CADM2: variants seen among roughly 807,000 people sequenced by gnomAD.
The protein encoded by CADM2 is cell adhesion molecule 2.
A neutral mutation model predicts 49.8 loss-of-function variants in CADM2; 12 were observed. The observed-to-expected ratio is 0.24, with a 90% CI of 0.15 to 0.39. CADM2 has a LOEUF of 0.39. Among genes scored for constraint, CADM2 ranks in the 10% least tolerant of loss-of-function variants. The pLI is 1.00. For synonymous variants in CADM2, 214 were observed against 175.4 expected (o/e 1.22, Z -1.74); for missense variants, 378 against 492.3 (o/e 0.77, Z 2.20).
chr3:85,105,755 T>A (rs906263171), intron 1 of CADM2, among the ~76,000 whole-genome samples: 1 of 152,204 alleles, frequency 6.6e-6, no homozygotes, highest in Non-Finnish European at 1.5e-5. Context: ...CATGGGATAC[T>A]ATGCAGCCAT....
At chr3:85,630,894 C>G (rs1055490291) in intron 1 of CADM2, among the ~76,000 whole-genome samples, 2 of 151,850 alleles carry the variant, frequency 1.3e-5, no homozygotes, top group South Asian at 2.1e-4. Flanking sequence ...GCCTAAAACC[C>G]TCTAATAGCT....
At chr3:85,248,585 A>C (rs2042703782) in intron 1 of CADM2, among the ~76,000 whole-genome samples, 1 of 152,188 alleles carries the variant, frequency 6.6e-6, no homozygotes, top group African/African-American at 2.4e-5. Flanking sequence ...CTACATACAT[A>C]TTTATTAATT....
intron 8 of CADM2, among the ~76,000 whole-genome samples, chr3:86,044,901 C>T (rs956451179): frequency 4.6e-5 from 7 of 152,062 alleles, no homozygotes; most frequent in African/African-American, 1.7e-4. Flanking sequence ...GAGTTCATGT[C>T]CTTTTTAGGG....
intron 1 of CADM2, among the ~76,000 whole-genome samples, chr3:85,669,907 G>A (rs1478106918): frequency 6.6e-6 from 1 of 151,986 alleles, no homozygotes; most frequent in Non-Finnish European, 1.5e-5. Flanking sequence ...TTATGATGAA[G>A]GAGCGGCAGC....
chr3:85,083,459 G>T (rs1222551496), intron 1 of CADM2, among the ~76,000 whole-genome samples: 1 of 152,000 alleles, frequency 6.6e-6, no homozygotes, highest in African/African-American at 2.4e-5. Context: ...TGTGCACACC[G>T]TTCTTTTGAA....
intron 1 of CADM2, among the ~76,000 whole-genome samples, chr3:85,397,185 G>T (rs1218901579): frequency 2.0e-5 from 3 of 152,046 alleles, no homozygotes; most frequent in Non-Finnish European, 4.4e-5. Flanking sequence ...TAGTAAATTT[G>T]TAAGTCAAAA....
intron 2 of CADM2, among the ~76,000 whole-genome samples, chr3:85,764,711 C>A (rs1260654185): frequency 1.3e-5 from 2 of 151,964 alleles, no homozygotes; most frequent in East Asian, 1.9e-4. Flanking sequence ...TGGAAATAAC[C>A]TTTGTTACTC....
chr3:84,974,136 G>T (rs938307679), intron 1 of CADM2, among the ~76,000 whole-genome samples: 1 of 151,924 alleles, frequency 6.6e-6, no homozygotes, highest in East Asian at 1.9e-4. Context: ...CTAACAGATT[G>T]TATGGTATTT....
chr3:85,534,429 C>T (rs1026531067), intron 1 of CADM2, among the ~76,000 whole-genome samples: 8 of 152,178 alleles, frequency 5.3e-5, no homozygotes, highest in Admixed American at 1.3e-4. Context: ...CATCAGAGAA[C>T]GTTCTAAAGG....
At chr3:85,943,721 A>G (rs1241330822) in intron 7 of CADM2, among the ~76,000 whole-genome samples, 1 of 151,886 alleles carries the variant, frequency 6.6e-6, no homozygotes, top group Admixed American at 6.6e-5. Flanking sequence ...ATGGAACCAA[A>G]CAGAGCCCTC....
At chr3:85,326,421 CT>C (rs1287475935) in intron 1 of CADM2, among the ~76,000 whole-genome samples, 5 of 151,786 alleles carry the variant, frequency 3.3e-5, no homozygotes, top group Non-Finnish European at 7.4e-5. Flanking sequence ...AAAAGTGTAC[CT>C]TTTTTATATT....
At chr3:85,567,338 C>A (rs563458956) in intron 1 of CADM2, among the ~76,000 whole-genome samples, 2 of 149,190 alleles carry the variant, frequency 1.3e-5, no homozygotes, top group Non-Finnish European at 2.9e-5. Flanking sequence ...TGAGTATTTT[C>A]TTTTCCTTAA....
chr3:85,912,424 G>T lies in CADM2; in HGVS notation c.581G>T (p.Ser194Ile). The T allele has an allele frequency of 6.2e-7, 1 of 1,613,982 alleles. No homozygotes were observed. The highest frequency in any genetic ancestry group is 8.5e-7 in the Non-Finnish European group (1 of 1,179,920). The change falls in exon 6 of 10, where the codon AGC (serine) becomes ATC (isoleucine). Residue 194 changes from serine (S) to isoleucine (I), a missense_variant. By Grantham distance (142) the Ser-to-Ile change is moderately radical. Transcript: ENST00000383699. ...GCAAATCGCAAGACATTCACTGTCA[G>T]CAGCACACTGGACTTCCGAGTGGAC... ...EDANRKTFTVSSTLDFRVDRS... is the reference protein window; with the variant it reads ...EDANRKTFTVISTLDFRVDRS...
intron 2 of CADM2, among the ~76,000 whole-genome samples, chr3:85,754,914 T>A (rs553628970): frequency 6.6e-6 from 1 of 152,276 alleles, no homozygotes; most frequent in Admixed American, 6.5e-5. Context: ...AAAAATGAAA[T>A]AGAAATATCC....
chr3:85,053,108 A>G (rs1194182249), intron 1 of CADM2, among the ~76,000 whole-genome samples: 2 of 152,076 alleles, frequency 1.3e-5, no homozygotes, highest in Non-Finnish European at 2.9e-5. Flanking sequence ...CAAAATTGCT[A>G]ATGATAGGCA....
Position 85,337,101 on chromosome 3 carries a change from G to C in CADM2, c.61+377433G>C, listed in dbSNP as rs185029207. On this transcript the variant is annotated intron_variant, in intron 1 of 9. Transcript: ENST00000383699. ...CCATTTAAGGGAAAACAATATTTTG[G>C]CCTTCCATCTGCCATCTCATCCCCA... Among the ~76,000 whole-genome samples, 801 of 144,214 alleles carry C rather than the reference G, an allele frequency of 5.6e-3. 2 individuals carry two copies. Among genetic ancestry groups the C allele is most frequent in the Middle Eastern group, 0.011 (3 of 264 alleles). The allele number at this position is 144,214 out of a possible 152,430, so 94.6% of individuals were successfully genotyped here.
At chr3:85,206,590 A>G (rs1378910758) in intron 1 of CADM2, among the ~76,000 whole-genome samples, 1 of 152,004 alleles carries the variant, frequency 6.6e-6, no homozygotes, top group Non-Finnish European at 1.5e-5. Context: ...TACAGGCGTG[A>G]GCCACCGCGC....
At chr3:85,426,131 C>CT (rs75964821) in intron 1 of CADM2, among the ~76,000 whole-genome samples, 60 of 148,346 alleles carry the variant, frequency 4.0e-4, no homozygotes, top group Middle Eastern at 3.5e-3. Context: ...TTCAGGCTAT[C>CT]TTTTTTTTTT....
chr3:85,494,197 G>C (rs1325920302), intron 1 of CADM2, among the ~76,000 whole-genome samples: 2 of 152,040 alleles, frequency 1.3e-5, no homozygotes, highest in Non-Finnish European at 2.9e-5. Flanking sequence ...GAAATTAGCT[G>C]TGCTTTCTTT....
Sources: allele counts gnomAD v4.1 joint callset (sites outside exome capture counted in the v4.1 genomes callset), GRCh38; gene constraint gnomAD v4.1.1; transcripts MANE v1.5; gene names NCBI Gene and HGNC (gene_info 2026-07-23, HGNC 2026-07-21).